CHRNB3: variants seen among roughly 807,000 people sequenced by gnomAD.
CHRNB3 encodes neuronal acetylcholine receptor subunit beta-3.
A neutral mutation model predicts 40.6 loss-of-function variants in CHRNB3; 37 were observed. That is an observed-to-expected ratio of 0.91 (90% CI 0.70 to 1.20). CHRNB3 has a LOEUF of 1.20. Among genes scored for constraint, CHRNB3 ranks in the 50% most tolerant of loss-of-function variants. CHRNB3 has a pLI of 0.00. For synonymous variants in CHRNB3, 207 were observed against 207.1 expected (o/e 1.00, Z 0.00); for missense variants, 505 against 551.2 (o/e 0.92, Z 0.84).
intron 3 of CHRNB3, among the ~76,000 whole-genome samples, chr8:42,728,888 TGTAA>T (rs1328270710): frequency 1.3e-5 from 2 of 152,284 alleles, no homozygotes; most frequent in African/African-American, 4.8e-5. Context: ...CAAATGCTAC[TGTAA>T]GTGAGTTCCC....
At chr8:42,700,052 C>T (rs1815757256) in intron 1 of CHRNB3, among the ~76,000 whole-genome samples, 1 of 150,802 alleles carries the variant, frequency 6.6e-6, no homozygotes, top group Admixed American at 6.6e-5. Flanking sequence ...CTCGCTCTGT[C>T]GCCCAGGCTG....
At chr8:42,707,938 C>T (rs1378048658) in intron 1 of CHRNB3, among the ~76,000 whole-genome samples, 2 of 152,208 alleles carry the variant, frequency 1.3e-5, no homozygotes, top group South Asian at 2.1e-4. Context: ...TTGCTCCCAT[C>T]GTCAGGGAGC....
intron 3 of CHRNB3, among the ~76,000 whole-genome samples, chr8:42,712,857 C>T (rs1351259901): frequency 1.9e-5 from 2 of 105,858 alleles, no homozygotes; most frequent in Admixed American, 1.2e-4. Context: ...CCCCACTGCT[C>T]TCTTTTTTTT....
At chr8:42,707,164 A>AGCCC (rs1230538844) in intron 1 of CHRNB3, among the ~76,000 whole-genome samples, 1 of 152,236 alleles carries the variant, frequency 6.6e-6, no homozygotes, top group Non-Finnish European at 1.5e-5. Context: ...CAGAGGACAC[A>AGCCC]GCCCACTTCA....
chr8:42,703,440 TTATA>T (rs56211568), intron 1 of CHRNB3, among the ~76,000 whole-genome samples: 2,485 of 80,730 alleles, frequency 0.031, 418 homozygotes, highest in Non-Finnish European at 0.048. Context: ...AAAAAAATAT[TTATA>T]TATATATATA....
Position 42,737,246 on chromosome 8 carries a change from A to C in CHRNB3, c.*628A>C, listed in dbSNP as rs73633757. On this transcript the variant is annotated 3_prime_UTR_variant, in exon 6 of 6. Coordinates refer to ENST00000289957, the MANE Select transcript of CHRNB3 (RefSeq NM_000749.5). Reference sequence around the variant, plus strand: ...GTGTTATTCATGGTTTATTCCCAGCATGATAAGGCTTTCAGATGGTGAAAC... The same window carrying C: ...GTGTTATTCATGGTTTATTCCCAGCCTGATAAGGCTTTCAGATGGTGAAAC... 1 of 152,390 alleles carries C rather than the reference A, an allele frequency of 6.6e-6. No individual in the cohort carries two copies. The highest frequency in any genetic ancestry group is 1.5e-5 in the Non-Finnish European group (1 of 68,124). 9.4% of individuals were successfully genotyped at this position (152,390 alleles called of 1,614,324 possible).
intron 3 of CHRNB3, among the ~76,000 whole-genome samples, chr8:42,718,529 C>T (rs183438534): frequency 1.1e-4 from 16 of 151,858 alleles, no homozygotes; most frequent in East Asian, 7.8e-4. Flanking sequence ...AAAAATTAGC[C>T]GGGCATGGTG....
rs576003988 is a variant in CHRNB3, at chr8:42,703,350, G to A, written c.53-5367G>A. On this transcript the variant is annotated intron_variant, in intron 1 of 5. Coordinates refer to ENST00000289957, the MANE Select transcript of CHRNB3 (RefSeq NM_000749.5). ...GAGGCATGAGAATTGCTTGAACCCA[G>A]GAGGCAGAGGTTGCCGTGAGCCAAG... Among the ~76,000 whole-genome samples, 4 of 149,610 alleles carry A rather than the reference G, an allele frequency of 2.7e-5. No individual in the cohort carries two copies. The East Asian group carries it at 8.0e-4, about 30-fold the overall frequency.
At chr8:42,733,592 CTTT>C (rs1208342996) in intron 5 of CHRNB3, among the ~76,000 whole-genome samples, 7 of 101,084 alleles carry the variant, frequency 6.9e-5, no homozygotes, top group Non-Finnish European at 1.1e-4. Context: ...CATCCTTCTT[CTTT>C]TTTTTTTTTT....
In CHRNB3 at chr8:42,731,666, G is replaced by T; in HGVS notation, c.360-1G>T. ...CTAAGGTGAAACTGCTTTGATTGCA[G>T]TGCTGACGGCCGCTTCGAAGGCTCC... On this transcript the variant is annotated splice_acceptor_variant, in intron 4 of 5. Coordinates refer to ENST00000289957, the MANE Select transcript of CHRNB3 (RefSeq NM_000749.5). LOFTEE classifies it high-confidence loss of function. 1 of 1,598,406 alleles carries T rather than the reference G, an allele frequency of 6.3e-7. No individual in the cohort carries two copies. Among genetic ancestry groups the T allele is most frequent in the Middle Eastern group, 1.7e-4 (1 of 5,970 alleles).
At chr8:42,730,343 A>G (rs1258009235) in intron 3 of CHRNB3, among the ~76,000 whole-genome samples, 1 of 152,210 alleles carries the variant, frequency 6.6e-6, no homozygotes, top group Non-Finnish European at 1.5e-5. Context: ...GAGCCTCTTC[A>G]TGGTGAGGCA....
chr8:42,706,593 C>CA (rs1815926527), intron 1 of CHRNB3, among the ~76,000 whole-genome samples: 1 of 151,990 alleles, frequency 6.6e-6, no homozygotes, highest in African/African-American at 2.4e-5. Context: ...AGAGAGGAGT[C>CA]AAGGATGACT....
At position 42,710,585 on chromosome 8, in the gene CHRNB3, T is replaced by C. The variant is rs192308476; in HGVS notation, c.249+151T>C. On this transcript the variant is annotated intron_variant, in intron 3 of 5. Coordinates refer to ENST00000289957, the MANE Select transcript of CHRNB3 (RefSeq NM_000749.5). Reference sequence around the variant, plus strand: ...GGTCTATGGCTTTTATTTTCTGTTGTGAGTGTTGGGGAGCTGATCCTGGCA... The same window carrying C: ...GGTCTATGGCTTTTATTTTCTGTTGCGAGTGTTGGGGAGCTGATCCTGGCA... The C allele has an allele frequency of 2.3e-5, 15 of 662,338 alleles. No homozygotes were observed. In the African/African-American group the frequency reaches 2.6e-4, roughly 11 times the overall value. 41.0% of individuals were successfully genotyped at this position (662,338 alleles called of 1,614,324 possible). A position where few individuals can be genotyped will look rare whatever the true frequency, so the allele number is the denominator to read the frequency against.
At chr8:42,725,570 T>C in intron 3 of CHRNB3, 3 of 948,708 alleles carry the variant, frequency 3.2e-6, no homozygotes, top group Non-Finnish European at 4.9e-6. Context: ...ATGAGCTGAT[T>C]GATGCATTCA....
intron 3 of CHRNB3, among the ~76,000 whole-genome samples, chr8:42,722,116 G>A (rs62518208): frequency 0.057 from 8,705 of 152,190 alleles, 327 homozygotes; most frequent in Middle Eastern, 0.11. Flanking sequence ...GCTCACGCCT[G>A]TAATCCTAGC....
At chr8:42,705,100 T>G (rs988506003) in intron 1 of CHRNB3, among the ~76,000 whole-genome samples, 2 of 152,154 alleles carry the variant, frequency 1.3e-5, no homozygotes, top group African/African-American at 4.8e-5. Context: ...GAGGCAGACA[T>G]GTCAGATCAA....
chr8:42,725,192 C>T (rs1259530923), intron 3 of CHRNB3, among the ~76,000 whole-genome samples: 2 of 149,784 alleles, frequency 1.3e-5, no homozygotes, highest in Admixed American at 6.7e-5. Context: ...AGGGTTCTAG[C>T]AATTCTCCTG....
chr8:42,710,532 T>G, intron 3 of CHRNB3, 98 bp downstream of exon 3: 5 of 954,856 alleles, frequency 5.2e-6, no homozygotes, highest in Non-Finnish European at 8.1e-6. Context: ...GAGGGCATAT[T>G]GTGTTCCTCA....
chr8:42,732,697 C>A (rs895199963), intron 5 of CHRNB3, 148 bp downstream of exon 5: 2 of 764,342 alleles, frequency 2.6e-6, no homozygotes, highest in Non-Finnish European at 1.9e-6. Context: ...TTAAAGCAAG[C>A]CCTGACATAA....
Sources: allele counts gnomAD v4.1 joint callset (sites outside exome capture counted in the v4.1 genomes callset), GRCh38; gene constraint gnomAD v4.1.1; transcripts MANE v1.5; gene names NCBI Gene and HGNC (gene_info 2026-07-23, HGNC 2026-07-21).